TEX101: variants seen among roughly 807,000 people sequenced by gnomAD.
TEX101 encodes testis expressed 101.
Under a neutral mutation model 18.1 loss-of-function variants are expected in TEX101, and 10 were observed. That is an observed-to-expected ratio of 0.55 (90% CI 0.34 to 0.94). The LOEUF (loss-of-function observed/expected upper bound fraction) is 0.94, where lower values mean the gene tolerates loss of function less well. Ranked by LOEUF, TEX101 falls within the 40% of genes least tolerant of loss-of-function variation. The pLI, the probability that TEX101 is intolerant of heterozygous loss-of-function variation, is 0.02. For missense variants in TEX101, 259 were observed against 298.9 expected, an observed-to-expected ratio of 0.87 and a Z score of 0.98; for synonymous variants, 94 against 114.8, an observed-to-expected ratio of 0.82 and a Z score of 1.16.
At chr19:43,399,971 T>C (rs1373472778), upstream of TEX101, among the ~76,000 whole-genome samples, 2 of 151,976 alleles carry the variant, frequency 1.3e-5, no homozygotes, top group East Asian at 3.9e-4. Context: ...CAAGCCACCA[T>C]ACCCAGCAAA....
In TEX101 at chr19:43,414,972, G is replaced by A. The variant is rs1292280315; in HGVS notation, c.-106G>A. 19 of 985,334 alleles carry A rather than the reference G, an allele frequency of 1.9e-5. No homozygotes were observed. The highest frequency in any genetic ancestry group is 2.3e-5 in the Non-Finnish European group (19 of 829,940). 61.0% of individuals were successfully genotyped at this position (985,334 alleles called of 1,614,324 possible). On this transcript the variant is annotated 5_prime_UTR_variant, in exon 1 of 6. Coordinates refer to ENST00000598265, the MANE Select transcript of TEX101 (RefSeq NM_001130011.3). Reference sequence around the variant, plus strand: ...ATTCTTGTGAGGCGTCTGCCTGGAAGCCGGCAGCAATTTTGCTTCTTTAAA... The same window carrying A: ...ATTCTTGTGAGGCGTCTGCCTGGAAACCGGCAGCAATTTTGCTTCTTTAAA...
At chr19:43,394,573 C>G in the TEX101 span, among the ~76,000 whole-genome samples, 1 of 151,734 alleles carries the variant, frequency 6.6e-6, no homozygotes, top group Non-Finnish European at 1.5e-5. Flanking sequence ...CAGGTTCAAG[C>G]GATTCTCCTG....
At chr19:43,393,664 G>A in the TEX101 span, among the ~76,000 whole-genome samples, 6 of 152,188 alleles carry the variant, frequency 3.9e-5, no homozygotes, top group Non-Finnish European at 8.8e-5. Context: ...CATTAATTGA[G>A]TTGATGCTCT....
At chr19:43,390,106 C>T in the TEX101 span, among the ~76,000 whole-genome samples, 5 of 152,226 alleles carry the variant, frequency 3.3e-5, no homozygotes, top group African/African-American at 1.2e-4. Context: ...CACTGTCCTC[C>T]TGAGCAACCA....
chr19:43,402,447 G>T (rs8111907), intron 1 of TEX101, among the ~76,000 whole-genome samples: 53,237 of 152,010 alleles, frequency 0.35, 9,831 homozygotes, highest in East Asian at 0.72. Flanking sequence ...ATAAAATTTT[G>T]TATTTGTTTA....
At position 43,418,213 on chromosome 19, in the gene TEX101, T is replaced by C. The variant is rs78902246; in HGVS notation, c.566T>C (p.Ile189Thr). The C allele has an allele frequency of 3.0e-4, 487 of 1,614,198 alleles. No individual in the cohort carries two copies. Among genetic ancestry groups the C allele is most frequent in the Non-Finnish European group, 3.8e-4 (452 of 1,180,020 alleles). Reference protein sequence around the residue: ...SVEVKGCTAMIGCRLMSGILA... With the variant: ...SVEVKGCTAMTGCRLMSGILA... Reference sequence around the variant, plus strand: ...GAGGTCAAAGGCTGTACAGCCATGATTGGCTGCAGGCTGATGTCTGGAATC... The same window carrying C: ...GAGGTCAAAGGCTGTACAGCCATGACTGGCTGCAGGCTGATGTCTGGAATC... Residue 189 changes from isoleucine to threonine, a missense_variant, in exon 6 of 6, where the codon ATT (isoleucine) becomes ACT (threonine). Coordinates refer to ENST00000598265, the MANE Select transcript of TEX101 (RefSeq NM_001130011.3).
intron 3 of TEX101, among the ~76,000 whole-genome samples, chr19:43,409,438 G>A (rs2122332654): frequency 6.6e-6 from 1 of 152,222 alleles, no homozygotes; most frequent in South Asian, 2.1e-4. Context: ...AATGTTAACA[G>A]GCCAAACATT....
the TEX101 span, among the ~76,000 whole-genome samples, chr19:43,395,143 T>C: frequency 6.6e-6 from 1 of 152,212 alleles, no homozygotes; most frequent in Admixed American, 6.5e-5. Context: ...CCTGGGAAAC[T>C]GATGGAGATG....
rs770619917 is a variant in TEX101, at chr19:43,416,239, G to A, written c.205G>A (p.Ala69Thr). Residue 69 changes from alanine (A) to threonine (T), a missense_variant, in exon 3 of 6, where the codon GCA (alanine) becomes ACA (threonine). By Grantham distance (58) the Ala-to-Thr change is moderately conservative. Coordinates refer to ENST00000598265, the MANE Select transcript of TEX101 (RefSeq NM_001130011.3). ...CCAGGAAACCATACTAATAATTAAAGCAGGTGAAATGAGATGGGGCATTTG... is the reference window on the plus strand; with the variant it reads ...CCAGGAAACCATACTAATAATTAAAACAGGTGAAATGAGATGGGGCATTTG... ...LCQETILIIK[A>T]GTETAILATK... is the part of the protein sequence containing the mutation. 16 of 1,606,040 alleles carry A rather than the reference G, an allele frequency of 1.0e-5. No homozygotes were observed. In the South Asian group the frequency reaches 1.2e-4, roughly 12 times the overall value.
intron 3 of TEX101, among the ~76,000 whole-genome samples, chr19:43,407,343 G>T (rs1467938006): frequency 6.6e-6 from 1 of 152,222 alleles, no homozygotes; most frequent in Non-Finnish European, 1.5e-5. Flanking sequence ...AAATTAGCCG[G>T]GCGTGGTGGC....
chr19:43,405,673 C>G (rs2122324293), intron 2 of TEX101, among the ~76,000 whole-genome samples: 2 of 151,982 alleles, frequency 1.3e-5, no homozygotes, highest in Admixed American at 1.3e-4. Flanking sequence ...GCCTGTAATC[C>G]CAGCATTTTG....
At chr19:43,388,626 T>C in the TEX101 span, among the ~76,000 whole-genome samples, 2 of 152,090 alleles carry the variant, frequency 1.3e-5, no homozygotes, top group Non-Finnish European at 2.9e-5. Context: ...GGATGAACTA[T>C]GTGTGACAAA....
rs1397138081 is a variant in TEX101, at chr19:43,415,919, C to T, written c.-1C>T. The T allele has an allele frequency of 6.2e-7, 1 of 1,614,168 alleles. No individual in the cohort carries two copies. The highest frequency in any genetic ancestry group is 1.1e-5 in the South Asian group (1 of 91,078). On this transcript the variant is annotated 5_prime_UTR_variant, in exon 2 of 6. Transcript: ENST00000598265. ...CCTCCCAGACCTCTCCAGAAGAAGCCATGGGAACCCCTCGTATCCAGCATT... is the reference window on the plus strand; with the variant it reads ...CCTCCCAGACCTCTCCAGAAGAAGCTATGGGAACCCCTCGTATCCAGCATT...
At position 43,417,977 on chromosome 19, in the gene TEX101, G is replaced by A. The variant is rs1267483873; in HGVS notation, c.491G>A (p.Cys164Tyr). The A allele has an allele frequency of 6.2e-7, 1 of 1,614,148 alleles. No homozygotes were observed. Among genetic ancestry groups the A allele is most frequent in the Non-Finnish European group, 8.5e-7 (1 of 1,180,016 alleles). The change falls in exon 5 of 6, where the codon TGC becomes TAC. Residue 164 changes from cysteine to tyrosine, a missense_variant. Cys to Tyr is a radical substitution (Grantham distance 194). Coordinates refer to ENST00000598265, the MANE Select transcript of TEX101 (RefSeq NM_001130011.3). ...SLPCPNGTTRCYQGKLEITGG... is the reference protein window; with the variant it reads ...SLPCPNGTTRYYQGKLEITGG... ...CCCTGTCCCAATGGTACAACTCGATGCTATCAAGGAAAACTTGAGATCACT... is the reference window on the plus strand; with the variant it reads ...CCCTGTCCCAATGGTACAACTCGATACTATCAAGGAAAACTTGAGATCACT...
chr19:43,411,241 TA>T (rs1970416590), upstream of TEX101, among the ~76,000 whole-genome samples: 1 of 152,136 alleles, frequency 6.6e-6, no homozygotes, highest in Non-Finnish European at 1.5e-5. Context: ...CACGCCCAGC[TA>T]ATTTTTTCAT....
chr19:43,392,768 G>A, the TEX101 span, among the ~76,000 whole-genome samples: 1 of 152,046 alleles, frequency 6.6e-6, no homozygotes, highest in South Asian at 2.1e-4. Context: ...CACAGAAACA[G>A]AAAGAAGAGG....
chr19:43,408,389 G>A (rs1295715456), intron 3 of TEX101, among the ~76,000 whole-genome samples: 1 of 152,254 alleles, frequency 6.6e-6, no homozygotes, highest in South Asian at 2.1e-4. Context: ...TGGGCCAGGA[G>A]GTAGCGGTGG....
chr19:43,400,517 G>A (rs1311090851), upstream of TEX101, among the ~76,000 whole-genome samples: 2 of 152,126 alleles, frequency 1.3e-5, no homozygotes, highest in Non-Finnish European at 2.9e-5. Flanking sequence ...TCATGCAGCT[G>A]TTTGCACTAA....
At chr19:43,401,310 A>AC (rs1489677544), upstream of TEX101, among the ~76,000 whole-genome samples, 1 of 152,268 alleles carries the variant, frequency 6.6e-6, no homozygotes, top group Non-Finnish European at 1.5e-5. Flanking sequence ...GTATAGACAC[A>AC]CAAACACATT....
Sources: gnomAD v4.1 joint callset for allele counts (sites outside exome capture counted in the v4.1 genomes callset) on GRCh38, gnomAD v4.1.1 for gene constraint, MANE v1.5 for transcripts, NCBI Gene and HGNC (gene_info 2026-07-23, HGNC 2026-07-21) for gene names.